Variants in SNX8 observed in about 807,000 individuals in gnomAD.
SNX8 encodes the protein sorting nexin-8.
Under a neutral mutation model 51.6 loss-of-function variants are expected in SNX8, and 25 were observed. The ratio of observed to expected loss-of-function variants is 0.48; its 90% CI spans 0.35 to 0.68. SNX8 has a LOEUF of 0.68. Among genes scored for constraint, SNX8 ranks in the 30% least tolerant of loss-of-function variants. The pLI, the probability that SNX8 is intolerant of heterozygous loss-of-function variation, is 0.00. For missense variants in SNX8, 695 were observed against 624.0 expected, an observed-to-expected ratio of 1.11 and a Z score of -1.21; for synonymous variants, 324 against 277.0, an observed-to-expected ratio of 1.17 and a Z score of -1.68.
chr7:2,257,083 C>G, intron 9 of SNX8, 60 bp from the exon 10 acceptor site: 1 of 1,521,042 alleles, frequency 6.6e-7, no homozygotes, highest in Non-Finnish European at 8.8e-7. Flanking sequence ...GCACCAAGGC[C>G]CGAACACCAG....
intron 1 of SNX8, among the ~76,000 whole-genome samples, chr7:2,344,556 G>A (rs1238613374): frequency 3.3e-5 from 5 of 151,396 alleles, no homozygotes; most frequent in African/African-American, 1.2e-4. Flanking sequence ...AGGTAGCAGT[G>A]GGCCGAGATC....
Position 2,348,587 on chromosome 7 carries a change from C to T in SNX8, c.-66+5635G>A, listed in dbSNP as rs550530633. On this transcript the variant is annotated intron_variant, in intron 1 of 5. Coordinates refer to the SNX8 transcript ENST00000435336. ...TGATCTCCTGACCTTGTGATCCACC[C>T]GCCTCAGCCTCCCAAAGTGCTGGGA... Among the ~76,000 whole-genome samples the T allele has an allele frequency of 1.1e-4, 17 of 151,586 alleles. No individual in the cohort carries two copies. The South Asian group carries it at 2.5e-3, about 22-fold the overall frequency.
chr7:2,268,324 G>A (rs1273580134), intron 5 of SNX8, among the ~76,000 whole-genome samples: 1 of 145,204 alleles, frequency 6.9e-6, no homozygotes, highest in African/African-American at 2.6e-5. Flanking sequence ...CGTCTGAGAA[G>A]TGAGGAGCCC....
intron 1 of SNX8, among the ~76,000 whole-genome samples, chr7:2,325,922 T>C (rs917179487): frequency 5.3e-5 from 8 of 152,184 alleles, no homozygotes; most frequent in African/African-American, 1.4e-4. Context: ...CCCCATTATG[T>C]AGTCTCAGAA....
At chr7:2,259,101 G>T (rs189270616) in intron 7 of SNX8, among the ~76,000 whole-genome samples, 235 of 152,308 alleles carry the variant, frequency 1.5e-3, no homozygotes, top group Admixed American at 3.7e-3. Flanking sequence ...TCGGTCCAAA[G>T]CCCTGGGCTC....
chr7:2,346,517 G>A (rs983065790), intron 1 of SNX8, among the ~76,000 whole-genome samples: 4 of 151,470 alleles, frequency 2.6e-5, no homozygotes, highest in Non-Finnish European at 2.9e-5. Context: ...GGAGGCCGAG[G>A]TGGGAGGATC....
At chr7:2,273,270 C>T (rs1207311285) in intron 3 of SNX8, among the ~76,000 whole-genome samples, 1 of 151,914 alleles carries the variant, frequency 6.6e-6, no homozygotes, top group Non-Finnish European at 1.5e-5. Context: ...GCCAGCGTAG[C>T]GAAACCCTGT....
chr7:2,325,083 T>C (rs924356774), intron 1 of SNX8, among the ~76,000 whole-genome samples: 1 of 152,154 alleles, frequency 6.6e-6, no homozygotes, highest in Non-Finnish European at 1.5e-5. Context: ...CCTCCTGACT[T>C]GGCCTCCCAA....
chr7:2,339,918 G>A (rs998146074), intron 1 of SNX8, among the ~76,000 whole-genome samples: 4 of 152,052 alleles, frequency 2.6e-5, no homozygotes, highest in Admixed American at 1.3e-4. Context: ...CGATATCACT[G>A]GGAAACACCA....
chr7:2,340,238 A>ATTT (rs773460984), intron 1 of SNX8, among the ~76,000 whole-genome samples: 171 of 144,202 alleles, frequency 1.2e-3, no homozygotes, highest in African/African-American at 4.1e-3. Flanking sequence ...AATTTTCATA[A>ATTT]TTTTTTTTTT....
chr7:2,290,310 G>A (rs376884030), intron 1 of SNX8, among the ~76,000 whole-genome samples: 64 of 152,240 alleles, frequency 4.2e-4, no homozygotes, highest in African/African-American at 1.5e-3. Flanking sequence ...AGACCAGCCA[G>A]GACAACACAG....
intron 1 of SNX8, among the ~76,000 whole-genome samples, chr7:2,311,689 G>C (rs1796659967): frequency 6.6e-6 from 1 of 152,140 alleles, no homozygotes; most frequent in African/African-American, 2.4e-5. Context: ...TGTAATCCCA[G>C]CACTTTGGGA....
intron 7 of SNX8, among the ~76,000 whole-genome samples, chr7:2,261,636 C>A (rs558998791): frequency 2.0e-5 from 3 of 152,168 alleles, no homozygotes; most frequent in Non-Finnish European, 4.4e-5. Context: ...TCCCCTCCAC[C>A]TGGGGGGAGT....
intron 2 of SNX8, among the ~76,000 whole-genome samples, chr7:2,277,217 C>T (rs7792045): frequency 0.32 from 47,899 of 152,036 alleles, 8,719 homozygotes; most frequent in East Asian, 0.56. Context: ...ACTGAGACAA[C>T]GAAGCAAGGG....
chr7:2,315,898 G>GCATT (rs943442781), upstream of SNX8, among the ~76,000 whole-genome samples: 13 of 133,564 alleles, frequency 9.7e-5, no homozygotes, highest in Admixed American at 1.5e-4. Context: ...ACTGCATCCT[G>GCATT]CATTCATTCA....
chr7:2,257,294 C>A (rs1038631797), intron 9 of SNX8, 71 bp downstream of exon 9: 1 of 1,514,180 alleles, frequency 6.6e-7, no homozygotes, highest in Non-Finnish European at 8.9e-7. Context: ...CCCACCAGGA[C>A]GGCTCCGGGT....
At chr7:2,320,166 A>AC (rs1049968939) in intron 1 of SNX8, among the ~76,000 whole-genome samples, 4 of 151,042 alleles carry the variant, frequency 2.6e-5, no homozygotes, top group African/African-American at 9.7e-5. Context: ...GACCAGCCTG[A>AC]CCAACATGAA....
chr7:2,294,518 G>A lies in SNX8; in HGVS notation c.95-16213C>T, dbSNP rs77715900. 3.5e-3 allele frequency among the ~76,000 whole-genome samples: 526 copies of A among 152,254 alleles called. 1 individual carries two copies. The highest frequency in any genetic ancestry group is 0.012 in the African/African-American group (500 of 41,534). ...TCTCATTTTACAGATGCAGAAATTG[G>A]AGGCCCAGCGGGTGATGACCTGCCC... On this transcript the variant is annotated intron_variant, in intron 1 of 10. Transcript: ENST00000222990.
intron 1 of SNX8, among the ~76,000 whole-genome samples, chr7:2,349,209 CAAA>C (rs1243485336): frequency 2.1e-5 from 2 of 93,944 alleles, no homozygotes; most frequent in African/African-American, 3.8e-5. Flanking sequence ...GTCTCAAAAA[CAAA>C]AAAAAAAAAA....
Sources: gnomAD v4.1 joint callset for allele counts (sites outside exome capture counted in the v4.1 genomes callset) on GRCh38, gnomAD v4.1.1 for gene constraint, MANE v1.5 for transcripts, NCBI Gene and HGNC (gene_info 2026-07-23, HGNC 2026-07-21) for gene names.